ZNF618: variants seen among roughly 807,000 people sequenced by gnomAD.
ZNF618 encodes zinc finger protein 618.
A neutral mutation model predicts 103.0 loss-of-function variants in ZNF618; 34 were observed. That is an observed-to-expected ratio of 0.33 (90% confidence interval 0.25 to 0.44). ZNF618 has a LOEUF of 0.44. Ranked by LOEUF, ZNF618 falls within the 20% of genes least tolerant of loss-of-function variation. ZNF618 has a pLI of 1.00. For synonymous variants in ZNF618, 551 were observed against 542.2 expected (o/e 1.02, Z -0.23); for missense variants, 1,059 against 1,295.4 (o/e 0.82, Z 2.80).
At chr9:113,882,213 A>G (rs577603081) in intron 1 of ZNF618, among the ~76,000 whole-genome samples, 5 of 152,162 alleles carry the variant, frequency 3.3e-5, no homozygotes, top group Admixed American at 6.5e-5. Flanking sequence ...ATCCACCCCA[A>G]TTGGGAAAAT....
chr9:113,939,627 A>T (rs1335091348), intron 1 of ZNF618, among the ~76,000 whole-genome samples: 2 of 152,020 alleles, frequency 1.3e-5, no homozygotes, highest in East Asian at 3.8e-4. Context: ...TAATAATTCA[A>T]ATTTCTTCCT....
At chr9:113,891,875 A>C (rs1413215311) in intron 1 of ZNF618, among the ~76,000 whole-genome samples, 1 of 152,212 alleles carries the variant, frequency 6.6e-6, no homozygotes, top group East Asian at 1.9e-4. Flanking sequence ...AATCAACAAT[A>C]TATGATAGAA....
chr9:114,003,308 A>T (rs1841429858), intron 6 of ZNF618, among the ~76,000 whole-genome samples: 1 of 152,210 alleles, frequency 6.6e-6, no homozygotes, highest in African/African-American at 2.4e-5. Context: ...GCTGGTGTAG[A>T]CTAGGATGGA....
chr9:113,909,011 A>G (rs1472281704), intron 1 of ZNF618, among the ~76,000 whole-genome samples: 1 of 151,736 alleles, frequency 6.6e-6, no homozygotes, highest in Non-Finnish European at 1.5e-5. Flanking sequence ...TTTATACCCC[A>G]AAGCCGGTGA....
intron 10 of ZNF618, among the ~76,000 whole-genome samples, chr9:114,022,188 A>C (rs1843131046): frequency 6.6e-6 from 1 of 152,184 alleles, no homozygotes; most frequent in East Asian, 1.9e-4. Context: ...TTTCCAAAGT[A>C]GTTGTGCCAT....
At chr9:113,898,551 T>G (rs980663033) in intron 1 of ZNF618, among the ~76,000 whole-genome samples, 8 of 150,430 alleles carry the variant, frequency 5.3e-5, no homozygotes, top group African/African-American at 2.0e-4. Flanking sequence ...CTCAGCCTCC[T>G]GAGGAGCTGG....
At chr9:113,998,153 G>A in intron 3 of ZNF618, 106 bp from the exon 4 acceptor site, 1 of 993,198 alleles carries the variant, frequency 1.0e-6, no homozygotes, top group South Asian at 1.5e-5. Context: ...GGTAGGCAGT[G>A]TGATCTTGTC....
chr9:113,937,528 C>CT lies in ZNF618; in HGVS notation c.34-31586dup, dbSNP rs201124308. ...TCTGAGTGAAATTGTTTTCCTGTCTCTTTCGTCTCTTCCAATTTAGGAGAG... is the reference window on the plus strand; with the variant it reads ...TCTGAGTGAAATTGTTTTCCTGTCTCTTTTCGTCTCTTCCAATTTAGGAGAG... On this transcript the variant is annotated intron_variant, in intron 1 of 14. Coordinates refer to ENST00000374126, the MANE Select transcript of ZNF618 (RefSeq NM_001318042.2). 9.0e-3 allele frequency among the ~76,000 whole-genome samples: 1,376 copies of CT among 152,328 alleles called. 23 individuals carry two copies. Among genetic ancestry groups the CT allele is most frequent in the African/African-American group, 0.032 (1,310 of 41,562 alleles).
intron 1 of ZNF618, among the ~76,000 whole-genome samples, chr9:113,894,442 G>A (rs931568331): frequency 4.6e-5 from 7 of 152,190 alleles, no homozygotes; most frequent in African/African-American, 1.7e-4. Flanking sequence ...ATTGTCAAGG[G>A]TGGTGGAGGG....
At chr9:114,021,602 T>C (rs1239864452) in intron 10 of ZNF618, among the ~76,000 whole-genome samples, 1 of 152,090 alleles carries the variant, frequency 6.6e-6, no homozygotes, top group Non-Finnish European at 1.5e-5. Flanking sequence ...TATAATAAAG[T>C]GCCTGTTATT....
At chr9:114,006,592 A>G (rs1056593132) in intron 6 of ZNF618, among the ~76,000 whole-genome samples, 6 of 152,338 alleles carry the variant, frequency 3.9e-5, no homozygotes, top group Admixed American at 3.9e-4. Flanking sequence ...GCTGTGTAAC[A>G]GATGTCCCTA....
intron 2 of ZNF618, among the ~76,000 whole-genome samples, chr9:113,987,431 G>T (rs933048244): frequency 6.6e-6 from 1 of 152,150 alleles, no homozygotes; most frequent in Non-Finnish European, 1.5e-5. Context: ...TCATTACCTC[G>T]AGGATGTTTT....
chr9:114,031,274 C>T (rs1403464392), intron 11 of ZNF618, among the ~76,000 whole-genome samples: 1 of 152,142 alleles, frequency 6.6e-6, no homozygotes, highest in Non-Finnish European at 1.5e-5. Flanking sequence ...GAGGGGCCTT[C>T]TGTGCCAATT....
chr9:113,905,644 T>G (rs1376023979), intron 1 of ZNF618, among the ~76,000 whole-genome samples: 1 of 152,258 alleles, frequency 6.6e-6, no homozygotes, highest in African/African-American at 2.4e-5. Flanking sequence ...TAGCCCTGGA[T>G]GAGCTCTGAG....
intron 1 of ZNF618, among the ~76,000 whole-genome samples, chr9:113,899,722 C>A (rs7041034): frequency 6.6e-6 from 1 of 152,066 alleles, no homozygotes. Context: ...AGTGGACTTA[C>A]ACAGCATTTG....
At chr9:113,912,729 GA>G (rs1831669417) in intron 1 of ZNF618, among the ~76,000 whole-genome samples, 1 of 152,168 alleles carries the variant, frequency 6.6e-6, no homozygotes, top group Non-Finnish European at 1.5e-5. Context: ...TGCACCAAAG[GA>G]GGGATGGGAA....
At position 114,052,749 on chromosome 9, in the gene ZNF618, C is replaced by A. The variant is rs1846212372; in HGVS notation, c.*2582C>A. On this transcript the variant is annotated 3_prime_UTR_variant, in exon 15 of 15. Transcript: ENST00000374126. ...TTGGAGCAAAGTTGTGCTGGTGATG[C>A]CCCATTATTGGGCCAGTTGATTAGA... The A allele has an allele frequency of 6.6e-6, 1 of 152,146 alleles. No homozygotes were observed. The highest frequency in any genetic ancestry group is 2.4e-5 in the African/African-American group (1 of 41,406). The allele number at this position is 152,146 out of a possible 1,614,324, so 9.4% of individuals were successfully genotyped here.
chr9:113,946,525 A>G (rs796727105), intron 1 of ZNF618, among the ~76,000 whole-genome samples: 4 of 152,126 alleles, frequency 2.6e-5, no homozygotes, highest in African/African-American at 9.7e-5. Context: ...CACTCCTTCA[A>G]GACATCCCAC....
intron 9 of ZNF618, 48 bp from the exon 10 acceptor site, chr9:114,016,644 TTGG>T (rs1842668321): frequency 6.8e-7 from 1 of 1,473,536 alleles, no homozygotes; most frequent in Admixed American, 1.7e-5. Flanking sequence ...CTGATGCTTC[TTGG>T]TGGAGGCCAG....
Sources: gnomAD v4.1 joint callset for allele counts (sites outside exome capture counted in the v4.1 genomes callset) on GRCh38, gnomAD v4.1.1 for gene constraint, MANE v1.5 for transcripts, NCBI Gene and HGNC (gene_info 2026-07-23, HGNC 2026-07-21) for gene names.